Variants in CATIP observed in about 807,000 individuals in gnomAD.
CATIP encodes ciliogenesis associated TTC17 interacting protein.
Under a neutral mutation model 42.5 loss-of-function variants are expected in CATIP, and 40 were observed. The observed-to-expected ratio is 0.94, with a 90% CI of 0.73 to 1.22. The LOEUF is 1.22. CATIP is among the 50% of genes most tolerant of loss of function. The pLI, the probability that CATIP is intolerant of heterozygous loss-of-function variation, is 0.00. For missense variants in CATIP, 489 were observed against 496.0 expected (o/e 0.99, Z 0.13); for synonymous variants, 222 against 200.2 (o/e 1.11, Z -0.92).
Position 218,367,856 on chromosome 2 carries a change from C to T in CATIP, c.1056C>T (p.Gly352=), listed in dbSNP as rs144442656. The T allele has an allele frequency of 9.1e-4, 1,467 of 1,613,104 alleles. 7 individuals are homozygous for T. The African/African-American group carries it at 0.016, about 17-fold the overall frequency. Residue 352 remains glycine, a synonymous_variant, in exon 10 of 10, where the codon GGC becomes GGT. Coordinates refer to ENST00000289388, the MANE Select transcript of CATIP (RefSeq NM_198559.2). ...DVVTFAAEFF[G]PFDPWRPSSP... ...TCACCTTCGCCGCCGAGTTCTTCGG[C>T]CCCTTCGACCCGTGGCGTCCGTCGT...
intron 5 of CATIP, among the ~76,000 whole-genome samples, chr2:218,360,956 G>A (rs1032024072): frequency 2.7e-5 from 4 of 150,248 alleles, no homozygotes; most frequent in Admixed American, 1.3e-4. Flanking sequence ...TCAGCCTCCC[G>A]AGTAGCTGGG....
In CATIP at chr2:218,367,720, A is replaced by G; in HGVS notation, c.922-2A>G. On this transcript the variant is annotated splice_acceptor_variant, in intron 9 of 9. Transcript: ENST00000289388. LOFTEE classifies it high-confidence loss of function. ...TGAGGCTCGGGCTCTGTCCCCTGCCAGGAGGAGCTCCGGCTCGGCCACGCC... is the reference window on the plus strand; with the variant it reads ...TGAGGCTCGGGCTCTGTCCCCTGCCGGGAGGAGCTCCGGCTCGGCCACGCC... 4 of 1,593,252 alleles carry G rather than the reference A, an allele frequency of 2.5e-6. No homozygotes were observed. Among genetic ancestry groups the G allele is most frequent in the Non-Finnish European group, 1.7e-6 (2 of 1,173,482 alleles).
At chr2:218,359,515 G>C (rs1695161138) in intron 4 of CATIP, among the ~76,000 whole-genome samples, 1 of 152,056 alleles carries the variant, frequency 6.6e-6, no homozygotes, top group South Asian at 2.1e-4. Context: ...GAGGCCAGGT[G>C]AAACAGGCCC....
chr2:218,366,909 C>A, intron 7 of CATIP, 115 bp from the exon 8 acceptor site: 1 of 786,030 alleles, frequency 1.3e-6, no homozygotes, highest in Non-Finnish European at 2.2e-6. Flanking sequence ...AACGTAATGA[C>A]CTCCCCAAAG....
chr2:218,360,377 C>T (rs1695191294), intron 4 of CATIP, among the ~76,000 whole-genome samples, 196 bp from the exon 5 acceptor site: 1 of 151,676 alleles, frequency 6.6e-6, no homozygotes, highest in South Asian at 2.1e-4. Context: ...GTCTCAATCT[C>T]CTGACCTCGT....
chr2:218,358,904 AAAG>A (rs1695137022), intron 4 of CATIP, among the ~76,000 whole-genome samples: 1 of 151,348 alleles, frequency 6.6e-6, no homozygotes, highest in Non-Finnish European at 1.5e-5. Context: ...AAAAAAGAAA[AAAG>A]AAGAAAAAAG....
In CATIP at chr2:218,364,552, G is replaced by A. The variant is rs919244001; in HGVS notation, c.631-76G>A. On this transcript the variant is annotated intron_variant, in intron 6 of 9. Coordinates refer to ENST00000289388, the MANE Select transcript of CATIP (RefSeq NM_198559.2). ...TGAGGTTGTTATGAGATGGAGAAAAGGCTAAGGTAAGATGATGGGGAGCCC... is the reference window on the plus strand; with the variant it reads ...TGAGGTTGTTATGAGATGGAGAAAAAGCTAAGGTAAGATGATGGGGAGCCC... 9 of 1,569,282 alleles carry A rather than the reference G, an allele frequency of 5.7e-6. No individual in the cohort carries two copies. In the African/African-American group the frequency reaches 9.5e-5, roughly 17 times the overall value.
intron 2 of CATIP, 50 bp downstream of exon 2, chr2:218,357,237 G>A (rs747404101): frequency 1.6e-6 from 2 of 1,232,804 alleles, no homozygotes; most frequent in South Asian, 1.3e-5. Flanking sequence ...GTGCAAGTCT[G>A]GAGAGGAGGG....
chr2:218,367,648 T>C, intron 9 of CATIP, 74 bp from the exon 10 acceptor site: 3 of 1,584,896 alleles, frequency 1.9e-6, no homozygotes, highest in Non-Finnish European at 2.6e-6. Flanking sequence ...TAGCTCTCCT[T>C]GGAGCGAGCG....
chr2:218,362,659 A>T, intron 5 of CATIP, 76 bp from the exon 6 acceptor site: 2 of 1,438,028 alleles, frequency 1.4e-6, no homozygotes, highest in Non-Finnish European at 1.9e-6. Context: ...CGTATGCCCA[A>T]CACCTGGCTT....
At position 218,367,791 on chromosome 2, in the gene CATIP, T is replaced by A; in HGVS notation, c.991T>A (p.Phe331Ile). 6.2e-7 allele frequency: 1 copy of A among 1,612,608 alleles called. No individual in the cohort carries two copies. The highest frequency in any genetic ancestry group is 8.5e-7 in the Non-Finnish European group (1 of 1,179,860). Reference sequence around the variant, plus strand: ...CGAAGCCCACGCGCTCATCTCCGACTTCCTGCTCTTCCTGCTGCTGCGCCA... The same window carrying A: ...CGAAGCCCACGCGCTCATCTCCGACATCCTGCTCTTCCTGCTGCTGCGCCA... The part of the protein sequence containing the change: ...HPEAHALISD[F>I]LLFLLLRQPE... The change falls in exon 10 of 10, where the codon TTC (phenylalanine) becomes ATC (isoleucine). Residue 331 changes from phenylalanine (F) to isoleucine (I), a missense_variant. Phe to Ile is a conservative substitution (Grantham distance 21). Transcript: ENST00000289388.
At chr2:218,362,613 CA>C in intron 5 of CATIP, 121 bp from the exon 6 acceptor site, 1 of 962,872 alleles carries the variant, frequency 1.0e-6, no homozygotes, top group Non-Finnish European at 1.5e-6. Context: ...GCCTGGGTGA[CA>C]AAAAGCGAAA....
chr2:218,358,571 T>G (rs573464912), intron 4 of CATIP, among the ~76,000 whole-genome samples: 7 of 136,862 alleles, frequency 5.1e-5, no homozygotes, highest in African/African-American at 1.7e-4. Context: ...AAGAAAAAAA[T>G]TAAAAAACAA....
At chr2:218,360,696 C>T (rs1695203512) in intron 5 of CATIP, 37 bp downstream of exon 5, 1 of 1,475,252 alleles carries the variant, frequency 6.8e-7, no homozygotes, top group Non-Finnish European at 9.5e-7. Flanking sequence ...GCACTACACA[C>T]TGTGAACCCA....
Position 218,362,873 on chromosome 2 carries a change from A to G in CATIP, c.601A>G (p.Thr201Ala). Residue 201 changes from threonine (T) to alanine (A), a missense_variant, in exon 6 of 10, where the codon ACC (threonine) becomes GCC (alanine). Thr to Ala is a moderately conservative substitution (Grantham distance 58, BLOSUM62 0). Transcript: ENST00000289388. ...CAATGCCCGCTTCCTGACCTTGGACACCGAGGGCAAACTCTGCTATTTGAC... is the reference window on the plus strand; with the variant it reads ...CAATGCCCGCTTCCTGACCTTGGACGCCGAGGGCAAACTCTGCTATTTGAC... Reference protein sequence around the residue: ...PSNARFLTLDTEGKLCYLTYQ... With the variant: ...PSNARFLTLDAEGKLCYLTYQ... 1 of 1,613,752 alleles carries G rather than the reference A, an allele frequency of 6.2e-7. No individual in the cohort carries two copies. The highest frequency in any genetic ancestry group is 8.5e-7 in the Non-Finnish European group (1 of 1,179,924).
At chr2:218,363,476 ACT>A (rs560635496) in intron 6 of CATIP, among the ~76,000 whole-genome samples, 1,583 of 141,796 alleles carry the variant, frequency 0.011, 22 homozygotes, top group African/African-American at 0.04. Flanking sequence ...ACAGAGCGAG[ACT>A]CTGTCTCAAA....
chr2:218,367,000 C>T (rs757460439), intron 7 of CATIP, 24 bp from the exon 8 acceptor site: 6 of 1,593,876 alleles, frequency 3.8e-6, no homozygotes, highest in Non-Finnish European at 5.2e-6. Flanking sequence ...GATTCTCACT[C>T]TCACATGTTG....
At chr2:218,363,502 A>AC (rs1450363263) in intron 6 of CATIP, among the ~76,000 whole-genome samples, 26 of 144,082 alleles carry the variant, frequency 1.8e-4, no homozygotes, top group African/African-American at 6.8e-4. Context: ...AAAAAACAAA[A>AC]AAAAAAAAAC....
intron 5 of CATIP, among the ~76,000 whole-genome samples, chr2:218,361,411 G>T (rs1470809397): frequency 6.6e-6 from 1 of 151,964 alleles, no homozygotes; most frequent in African/African-American, 2.4e-5. Flanking sequence ...CATTGGAAAA[G>T]GCAGGACAAC....
Sources: gnomAD v4.1 joint callset for allele counts (sites outside exome capture counted in the v4.1 genomes callset) on GRCh38, gnomAD v4.1.1 for gene constraint, MANE v1.5 for transcripts, NCBI Gene and HGNC (gene_info 2026-07-23, HGNC 2026-07-21) for gene names.